PDGFC: variants seen among roughly 807,000 people sequenced by gnomAD.
The protein encoded by PDGFC is platelet-derived growth factor C.
PDGFC carries 12 observed loss-of-function variants against 35.5 expected under a neutral mutation model. The observed-to-expected ratio is 0.34, with a 90% CI of 0.22 to 0.55. The LOEUF (loss-of-function observed/expected upper bound fraction) is 0.55. PDGFC is among the 20% of genes least tolerant of loss of function. The pLI is 0.91. For synonymous variants in PDGFC, 159 were observed against 148.8 expected (o/e 1.07, Z -0.50); for missense variants, 322 against 412.4 (o/e 0.78, Z 1.90).
intron 3 of PDGFC, among the ~76,000 whole-genome samples, chr4:156,781,008 C>T (rs747422457): frequency 3.7e-4 from 56 of 152,102 alleles, no homozygotes; most frequent in Non-Finnish European, 5.7e-4. Flanking sequence ...AGGATCTCTG[C>T]TTGGACCTTT....
At chr4:156,782,925 C>T (rs1731021936) in intron 3 of PDGFC, among the ~76,000 whole-genome samples, 1 of 152,048 alleles carries the variant, frequency 6.6e-6, no homozygotes, top group South Asian at 2.1e-4. Flanking sequence ...TTGTGAGGTT[C>T]GTATCTCTTG....
intron 3 of PDGFC, among the ~76,000 whole-genome samples, chr4:156,797,915 C>T (rs923933589): frequency 5.3e-5 from 8 of 152,068 alleles, no homozygotes; most frequent in Admixed American, 2.6e-4. Flanking sequence ...GGAGACCAGG[C>T]GCGGTGCCTC....
chr4:156,846,081 G>A (rs1251882209), intron 2 of PDGFC, among the ~76,000 whole-genome samples: 1 of 151,732 alleles, frequency 6.6e-6, no homozygotes, highest in African/African-American at 2.4e-5. Context: ...TCAAAAAAAT[G>A]CCTAGAAAAC....
intron 1 of PDGFC, among the ~76,000 whole-genome samples, chr4:156,914,158 C>T (rs964079583): frequency 1.9e-4 from 29 of 152,096 alleles, no homozygotes; most frequent in Admixed American, 5.2e-4. Flanking sequence ...GATTAAATAG[C>T]CTAAGTGAAT....
intron 1 of PDGFC, among the ~76,000 whole-genome samples, chr4:156,969,307 CT>C (rs1454158823): frequency 6.6e-6 from 1 of 152,224 alleles, no homozygotes; most frequent in Non-Finnish European, 1.5e-5. Context: ...CCTTTGATCA[CT>C]TTCCCCCAGA....
intron 1 of PDGFC, among the ~76,000 whole-genome samples, chr4:156,936,321 T>C (rs954650384): frequency 3.9e-5 from 6 of 152,292 alleles, no homozygotes; most frequent in African/African-American, 1.4e-4. Context: ...TTGGGAGAAA[T>C]GGAAACTCTC....
intron 2 of PDGFC, among the ~76,000 whole-genome samples, chr4:156,848,356 T>C (rs1729374560): frequency 6.6e-6 from 1 of 151,944 alleles, no homozygotes; most frequent in African/African-American, 2.4e-5. Context: ...AATTTAACTC[T>C]ACCTAGTAAA....
chr4:156,911,045 C>T (rs776694459), intron 1 of PDGFC, among the ~76,000 whole-genome samples: 28 of 152,076 alleles, frequency 1.8e-4, no homozygotes, highest in Non-Finnish European at 3.7e-4. Flanking sequence ...GTTTTATTTT[C>T]ATGAAGCCAA....
At chr4:156,795,063 C>G (rs1731405736) in intron 3 of PDGFC, among the ~76,000 whole-genome samples, 1 of 152,220 alleles carries the variant, frequency 6.6e-6, no homozygotes, top group Non-Finnish European at 1.5e-5. Flanking sequence ...TACTGGCATC[C>G]TTTCTGTTTC....
chr4:156,948,251 T>C (rs1420898771), intron 1 of PDGFC, among the ~76,000 whole-genome samples: 1 of 148,450 alleles, frequency 6.7e-6, no homozygotes, highest in Non-Finnish European at 1.5e-5. Flanking sequence ...GAAAACCCCA[T>C]ATGGTGCCAA....
At chr4:156,810,182 T>C (rs1294414311) in intron 3 of PDGFC, among the ~76,000 whole-genome samples, 1 of 151,790 alleles carries the variant, frequency 6.6e-6, no homozygotes, top group Non-Finnish European at 1.5e-5. Context: ...ACAGGTAGAA[T>C]TGTTACATTT....
At chr4:156,786,840 G>A (rs1490153622) in intron 3 of PDGFC, among the ~76,000 whole-genome samples, 1 of 152,148 alleles carries the variant, frequency 6.6e-6, no homozygotes, top group African/African-American at 2.4e-5. Context: ...GGGAGCTATT[G>A]GAGAGTTTCA....
At chr4:156,857,924 A>T (rs1579059555) in intron 1 of PDGFC, among the ~76,000 whole-genome samples, 2 of 152,212 alleles carry the variant, frequency 1.3e-5, no homozygotes, top group South Asian at 2.1e-4. Context: ...GCTAGATCCG[A>T]TCTCAAATAA....
chr4:156,893,171 G>GA (rs533737492), intron 1 of PDGFC, among the ~76,000 whole-genome samples: 2 of 151,850 alleles, frequency 1.3e-5, no homozygotes, highest in South Asian at 4.2e-4. Context: ...GAATTTTAAT[G>GA]AAAAAAAGGA....
chr4:156,875,195 G>A (rs1034220694), intron 1 of PDGFC, among the ~76,000 whole-genome samples: 9 of 152,136 alleles, frequency 5.9e-5, no homozygotes, highest in East Asian at 1.9e-4. Flanking sequence ...AGGTACACCC[G>A]CAAGTTAACT....
At chr4:156,932,972 A>C (rs1731589182) in intron 1 of PDGFC, among the ~76,000 whole-genome samples, 2 of 152,072 alleles carry the variant, frequency 1.3e-5, no homozygotes, top group African/African-American at 2.4e-5. Context: ...AAAGTATGGG[A>C]TGAAAGTTAA....
At chr4:156,905,275 A>G (rs539235998) in intron 1 of PDGFC, among the ~76,000 whole-genome samples, 16 of 152,262 alleles carry the variant, frequency 1.1e-4, no homozygotes, top group Admixed American at 3.9e-4. Context: ...TAATGACACC[A>G]TATTTTGAAT....
intron 1 of PDGFC, among the ~76,000 whole-genome samples, chr4:156,943,038 G>GA (rs1033623645): frequency 2.6e-5 from 4 of 151,986 alleles, no homozygotes; most frequent in South Asian, 4.2e-4. Flanking sequence ...GAATTCCCTC[G>GA]AAAAAATCTG....
intron 1 of PDGFC, among the ~76,000 whole-genome samples, chr4:156,880,140 G>T (rs1579073700): frequency 6.6e-6 from 1 of 152,322 alleles, no homozygotes; most frequent in East Asian, 1.9e-4. Context: ...GATCGTCGAT[G>T]TAGGTGAAAC....
Sources: allele counts gnomAD v4.1 joint callset (sites outside exome capture counted in the v4.1 genomes callset), GRCh38; gene constraint gnomAD v4.1.1; transcripts MANE v1.5; gene names NCBI Gene and HGNC (gene_info 2026-07-23, HGNC 2026-07-21).